The following ZFPM1 variants were observed in gnomAD, a reference collection of about 807,000 sequenced individuals.
ZFPM1 encodes the protein zinc finger protein ZFPM1.
In ZFPM1, 28 loss-of-function variants were observed where a neutral mutation model predicts 46.3. The observed-to-expected ratio is 0.60, with a 90% CI of 0.45 to 0.83. The LOEUF (loss-of-function observed/expected upper bound fraction) is 0.83, where lower values mean the gene tolerates loss of function less well. Among genes scored for constraint, ZFPM1 ranks in the 40% least tolerant of loss-of-function variants. The pLI, the probability that ZFPM1 is intolerant of heterozygous loss-of-function variation, is 0.00. For synonymous variants in ZFPM1, 957 were observed against 675.9 expected (o/e 1.42, Z -6.45); for missense variants, 1,878 against 1,432.4 (o/e 1.31, Z -5.02).
At position 88,497,758 on chromosome 16, in the gene ZFPM1, G is replaced by A. The variant is rs747397623; in HGVS notation, c.268+8605G>A. ...GCCTGAGGCCCACGAAGGGTCCCCC[G>A]CCCCAGGGTCCCGACAGGGCCCGCC... On this transcript the variant is annotated intron_variant, in intron 3 of 9. Coordinates refer to ENST00000319555, the MANE Select transcript of ZFPM1 (RefSeq NM_153813.3). The surrounding 1 kb of genome is among the most constrained non-coding windows in gnomAD (Gnocchi z 5.4). Among the ~76,000 whole-genome samples the A allele has an allele frequency of 1.7e-4, 26 of 152,128 alleles. No individual in the cohort carries two copies. The highest frequency in any genetic ancestry group is 2.8e-4 in the Non-Finnish European group (19 of 68,014).
chr16:88,515,490 G>A (rs1242170050), intron 4 of ZFPM1, among the ~76,000 whole-genome samples: 1 of 152,276 alleles, frequency 6.6e-6, no homozygotes, highest in Admixed American at 6.5e-5. Flanking sequence ...TTACGTCTGA[G>A]CCTGCAGACC....
At chr16:88,526,787 C>T in intron 4 of ZFPM1, 27 bp from the exon 5 acceptor site, 1 of 1,514,320 alleles carries the variant, frequency 6.6e-7, no homozygotes, top group Non-Finnish European at 8.8e-7. Flanking sequence ...GGACCCCTCC[C>T]CACGTGTTCC....
intron 1 of ZFPM1, among the ~76,000 whole-genome samples, chr16:88,459,335 G>A (rs1907698999): frequency 6.6e-6 from 1 of 152,148 alleles, no homozygotes; most frequent in African/African-American, 2.4e-5. Context: ...AATAGACATG[G>A]TCTGCTCACA....
chr16:88,531,708 C>T (rs552157449), intron 6 of ZFPM1, among the ~76,000 whole-genome samples: 2 of 152,348 alleles, frequency 1.3e-5, no homozygotes, highest in Admixed American at 6.5e-5. Flanking sequence ...TTCCTTCTGC[C>T]CCCATGAGGC....
Position 88,489,165 on chromosome 16 carries a change from G to T in ZFPM1, c.268+12G>T. The T allele has an allele frequency of 6.3e-7, 1 of 1,587,314 alleles. No homozygotes were observed. On this transcript the variant is annotated intron_variant, in intron 3 of 9. Coordinates refer to ENST00000319555, the MANE Select transcript of ZFPM1 (RefSeq NM_153813.3). ...CTGGAGCGGGCCAGGTAACCACGCG[G>T]GTGGTGGGGGCAGCAGCATCGCCTC... is the stretch of plus-strand genomic sequence containing the variant.
At position 88,497,118 on chromosome 16, in the gene ZFPM1, CTT is replaced by C. The variant is rs553708192; in HGVS notation, c.268+7968_268+7969del. 3.3e-5 allele frequency among the ~76,000 whole-genome samples: 5 copies of C among 152,382 alleles called. No individual in the cohort carries two copies. The East Asian group carries it at 7.7e-4, about 24-fold the overall frequency. ...TTCCAGCTGATCACACAAGTCGTGACTTTTCCATCCCCACTCCATCCTGGGCT... is the reference window on the plus strand; with the variant it reads ...TTCCAGCTGATCACACAAGTCGTGACTTCCATCCCCACTCCATCCTGGGCT... On this transcript the variant is annotated intron_variant, in intron 3 of 9. Coordinates refer to ENST00000319555, the MANE Select transcript of ZFPM1 (RefSeq NM_153813.3). The surrounding 1 kb of genome is among the most constrained non-coding windows in gnomAD (Gnocchi z 5.4).
intron 9 of ZFPM1, 48 bp from the exon 10 acceptor site, chr16:88,533,100 C>A: frequency 6.8e-7 from 1 of 1,465,948 alleles, no homozygotes; most frequent in Non-Finnish European, 9.0e-7. Context: ...TCTGACCGGC[C>A]AGGTCCTGCC....
intron 4 of ZFPM1, among the ~76,000 whole-genome samples, chr16:88,525,939 C>T (rs578116797): frequency 6.6e-6 from 1 of 152,380 alleles, no homozygotes; most frequent in African/African-American, 2.4e-5. Flanking sequence ...CCACCGCCGA[C>T]AGCATGGCAT....
chr16:88,520,542 CTGAAAGGATGGATGGA>C (rs1160556868), intron 4 of ZFPM1, among the ~76,000 whole-genome samples: 2 of 101,900 alleles, frequency 2.0e-5, no homozygotes, highest in Non-Finnish European at 3.7e-5. Flanking sequence ...GGGTGGGTGG[CTGAAAGGATGGATGGA>C]TGGATGGATG....
Position 88,486,120 on chromosome 16 carries a change from C to T in ZFPM1, c.145+77C>T, listed in dbSNP as rs1909210119. ...TTACCCGTACCATGCCCTCAGAGCTCAGTGGTGTCTGAGAGGTGTGGGCCA... is the reference window on the plus strand; with the variant it reads ...TTACCCGTACCATGCCCTCAGAGCTTAGTGGTGTCTGAGAGGTGTGGGCCA... On this transcript the variant is annotated intron_variant, in intron 2 of 9. Transcript: ENST00000319555. 7 of 1,433,732 alleles carry T rather than the reference C, an allele frequency of 4.9e-6. No homozygotes were observed. The South Asian group carries it at 6.1e-5, about 13-fold the overall frequency. 88.8% of individuals were successfully genotyped at this position (1,433,732 alleles called of 1,614,324 possible).
intron 5 of ZFPM1, 27 bp downstream of exon 5, chr16:88,526,943 C>G (rs1367947600): frequency 6.5e-7 from 1 of 1,542,256 alleles, no homozygotes. Flanking sequence ...ACCTCCGTCC[C>G]AAGCCTTCCG....
At chr16:88,511,302 G>A (rs984499180) in intron 3 of ZFPM1, among the ~76,000 whole-genome samples, 11 of 152,020 alleles carry the variant, frequency 7.2e-5, no homozygotes, top group East Asian at 1.9e-4. Flanking sequence ...CTGAGCTCAC[G>A]GTGGGTTCTG....
In ZFPM1 at chr16:88,498,659, C is replaced by T. The variant is rs570473056; in HGVS notation, c.268+9506C>T. Among the ~76,000 whole-genome samples the T allele has an allele frequency of 1.4e-4, 21 of 152,298 alleles. 1 individual carries two copies. Among genetic ancestry groups the T allele is most frequent in the African/African-American group, 4.3e-4 (18 of 41,560 alleles). On this transcript the variant is annotated intron_variant, in intron 3 of 9. Coordinates refer to ENST00000319555, the MANE Select transcript of ZFPM1 (RefSeq NM_153813.3). The stretch of plus-strand genomic sequence containing the variant: ...CAAATGAACGAGGGGCGTCTGGAAA[C>T]GGTGTCCCAGGCCGAGGGCGCAGTC...
At chr16:88,463,067 C>G (rs988615420) in intron 1 of ZFPM1, among the ~76,000 whole-genome samples, 1 of 152,214 alleles carries the variant, frequency 6.6e-6, no homozygotes, top group South Asian at 2.1e-4. Context: ...GCACCTGCAC[C>G]CATCACCGCC....
rs1567558189 is a variant in ZFPM1 at position 88,533,812 on chromosome 16, C to CCCCGG, written c.1864_1868dup (p.Ala624ProfsTer176). On this transcript the variant is annotated frameshift_variant, in exon 10 of 10. Transcript: ENST00000319555. LOFTEE classifies it low-confidence loss of function (END_TRUNC). ...CTGCCGCGCGCAGGCCCAAGGCGCC[C>CCCCGG]CCCGGCCCGGCCCGCGCGCCCCCCG... is the stretch of plus-strand genomic sequence containing the variant. The CCCCGG allele has an allele frequency of 1.9e-6, 2 of 1,068,348 alleles. No homozygotes were observed. The highest frequency in any genetic ancestry group is 2.3e-6 in the Non-Finnish European group (2 of 874,406). 66.2% of individuals were successfully genotyped at this position (1,068,348 alleles called of 1,614,324 possible). A position where few individuals can be genotyped will look rare whatever the true frequency, so the allele number is the denominator to read the frequency against.
At chr16:88,499,454 G>A (rs1247940275) in intron 3 of ZFPM1, among the ~76,000 whole-genome samples, 2 of 152,202 alleles carry the variant, frequency 1.3e-5, no homozygotes, top group African/African-American at 4.8e-5. Context: ...GAGGAAGCCG[G>A]GTACAGAGGC....
chr16:88,456,585 T>C (rs2142334413), intron 1 of ZFPM1, among the ~76,000 whole-genome samples: 1 of 152,058 alleles, frequency 6.6e-6, no homozygotes, highest in East Asian at 1.9e-4. Flanking sequence ...AGGGGGCACG[T>C]CAGGTGGTCA....
intron 4 of ZFPM1, among the ~76,000 whole-genome samples, chr16:88,523,326 G>A (rs1028470061): frequency 1.3e-5 from 2 of 152,172 alleles, no homozygotes; most frequent in African/African-American, 4.8e-5. Context: ...GATCAGAGGT[G>A]GGGAAACAAG....
chr16:88,462,748 A>C (rs1907955168), intron 1 of ZFPM1, among the ~76,000 whole-genome samples: 1 of 152,152 alleles, frequency 6.6e-6, no homozygotes. Flanking sequence ...CATCTCTGCA[A>C]AGTGGGGGTA....
Sources: allele counts gnomAD v4.1 joint callset (sites outside exome capture counted in the v4.1 genomes callset), GRCh38; gene constraint gnomAD v4.1.1; non-coding constraint Gnocchi (gnomAD v3.1); transcripts MANE v1.5; gene names NCBI Gene and HGNC (gene_info 2026-07-23, HGNC 2026-07-21).